MAP3K15: variants seen among roughly 807,000 people sequenced by gnomAD.
MAP3K15 encodes mitogen-activated protein kinase kinase kinase 15, also known as MAPK/ERK kinase kinase 15.
Under a neutral mutation model 99.5 loss-of-function variants are expected in MAP3K15, and 124 were observed. The observed-to-expected ratio is 1.25, with a 90% confidence interval of 1.08 to 1.45. The LOEUF (loss-of-function observed/expected upper bound fraction) is 1.45, where lower values mean the gene tolerates loss of function less well. Among genes scored for constraint, MAP3K15 ranks in the 40% most tolerant of loss-of-function variants. MAP3K15 has a pLI of 0.00. For synonymous variants in MAP3K15, 494 were observed against 439.6 expected (o/e 1.12, Z -1.55); for missense variants, 1,242 against 1,079.7 (o/e 1.15, Z -2.11).
At chrX:19,432,557 C>CAAAA (rs58029753) in intron 6 of MAP3K15, among the ~76,000 whole-genome samples, 1 of 45,327 alleles carries the variant, frequency 2.2e-5, no homozygotes. Context: ...TCTGTCTCAA[C>CAAAA]AAAAAAAAAA....
chrX:19,477,450 C>T (rs1192246101), intron 3 of MAP3K15, among the ~76,000 whole-genome samples: 31 of 110,908 alleles, frequency 2.8e-4, no homozygotes, highest in Non-Finnish European at 4.9e-4. Context: ...ATGCCTGTAA[C>T]CCCGGCACTT....
intron 3 of MAP3K15, among the ~76,000 whole-genome samples, chrX:19,467,691 CGGG>C (rs2064177993): frequency 8.7e-5 from 3 of 34,398 alleles, no homozygotes; most frequent in Admixed American, 4.1e-4. Context: ...TGCTTAAACC[CGGG>C]AGGCAGAGGT....
Position 19,395,178 on chromosome X carries a change from G to A in MAP3K15, c.2097C>T (p.Ala699=), listed in dbSNP as rs1178758943. ...RYSQPLHEEI[A]LHKYLKHRNI... ...TGCGGTGCTTAAGGTACTTGTGCAGGGCTATCTCCTCGTGCAGAGGCTGAG... is the reference window on the plus strand; with the variant it reads ...TGCGGTGCTTAAGGTACTTGTGCAGAGCTATCTCCTCGTGCAGAGGCTGAG... The change falls in exon 16 of 29, where the codon GCC becomes GCT. Residue 699 remains alanine, a synonymous_variant. Transcript: ENST00000338883. 2 of 1,208,273 alleles carry A rather than the reference G, an allele frequency of 1.7e-6. No homozygotes were observed. Among genetic ancestry groups the A allele is most frequent in the Non-Finnish European group, 2.2e-6 (2 of 893,485 alleles).
intron 1 of MAP3K15, among the ~76,000 whole-genome samples, chrX:19,494,298 A>AAGAG (rs977492363): frequency 9.1e-6 from 1 of 110,305 alleles, no homozygotes; most frequent in South Asian, 3.9e-4. Flanking sequence ...CTGTCTTTTT[A>AAGAG]AGAGAGAGAG....
At chrX:19,435,576 TAAACA>T (rs779428833) in intron 6 of MAP3K15, among the ~76,000 whole-genome samples, 2 of 112,392 alleles carry the variant, frequency 1.8e-5, no homozygotes, top group African/African-American at 6.4e-5. Context: ...CTTTTGAGTA[TAAACA>T]AAACAAAAAT....
intron 3 of MAP3K15, among the ~76,000 whole-genome samples, chrX:19,476,295 T>C (rs1016512866): frequency 4.5e-5 from 5 of 112,120 alleles, no homozygotes; most frequent in African/African-American, 1.6e-4. Flanking sequence ...GGTGGCACAA[T>C]GTGATACTTT....
At chrX:19,398,162 G>T (rs757155786) in intron 15 of MAP3K15, 64 bp downstream of exon 15, 531 of 1,174,174 alleles carry the variant, frequency 4.5e-4, no homozygotes, top group South Asian at 3.8e-3. Context: ...CACCATGAGC[G>T]GTGGGTATGG....
In MAP3K15 at chrX:19,431,533, GC is replaced by G; in HGVS notation, c.1070del (p.Gly357AlafsTer54). 1 of 1,199,578 alleles carries G rather than the reference GC, an allele frequency of 8.3e-7. No homozygotes were observed. The highest frequency in any genetic ancestry group is 1.1e-6 in the Non-Finnish European group (1 of 894,559). On this transcript the variant is annotated frameshift_variant, in exon 7 of 29. Transcript: ENST00000338883. LOFTEE classifies it high-confidence loss of function. ...TCCCACACAGGCAGAACATGTCGGG[GC>G]CCGGGTGATCACAGCTCTGCAGAAC... Reference protein sequence around the residue: ...LQVLQSCDHPGPDMFCLCGRI... With the variant: ...LQVLQSCDHPXPDMFCLCGRI...
chrX:19,445,309 G>A (rs12010835), intron 6 of MAP3K15, among the ~76,000 whole-genome samples: 8,451 of 109,868 alleles, frequency 0.077, 636 homozygotes, highest in African/African-American at 0.23. Flanking sequence ...AAAAATTAGG[G>A]GCCAGGCATG....
chrX:19,509,857 TAAAGAAGA>T (rs2064505976), intron 1 of MAP3K15, among the ~76,000 whole-genome samples: 1 of 109,983 alleles, frequency 9.1e-6, no homozygotes, highest in Admixed American at 9.7e-5. Flanking sequence ...CCTAGACTAA[TAAAGAAGA>T]AAAGAGAGAA....
chrX:19,366,753 C>T (rs760976031), intron 25 of MAP3K15, among the ~76,000 whole-genome samples: 8 of 111,810 alleles, frequency 7.2e-5, no homozygotes, highest in African/African-American at 1.6e-4. Context: ...GTATCAGCAG[C>T]GTGAAAATGG....
chrX:19,361,863 CA>C (rs1166952319), intron 26 of MAP3K15, among the ~76,000 whole-genome samples: 12 of 94,676 alleles, frequency 1.3e-4, no homozygotes, highest in Non-Finnish European at 1.9e-5. Flanking sequence ...CCACATCTTT[CA>C]AATGCCTTTC....
intron 6 of MAP3K15, among the ~76,000 whole-genome samples, chrX:19,456,477 A>G (rs1414644138): frequency 2.7e-5 from 3 of 112,239 alleles, no homozygotes; most frequent in Non-Finnish European, 5.6e-5. Context: ...GGGGTTAAGG[A>G]TTGCCTGCAA....
chrX:19,409,814 A>C, intron 12 of MAP3K15, 110 bp downstream of exon 12: 1 of 634,956 alleles, frequency 1.6e-6, no homozygotes. Flanking sequence ...TTTGGATTCC[A>C]TTAAAAATAA....
intron 1 of MAP3K15, among the ~76,000 whole-genome samples, chrX:19,505,712 G>A (rs2064471674): frequency 9.2e-6 from 1 of 108,739 alleles, no homozygotes; most frequent in Non-Finnish European, 1.9e-5. Context: ...GCAGTCCTTG[G>A]TTCTCAGCAA....
At chrX:19,399,665 C>T (rs1003586408) in intron 14 of MAP3K15, among the ~76,000 whole-genome samples, 40 of 99,021 alleles carry the variant, frequency 4.0e-4, no homozygotes, top group Admixed American at 1.2e-3. Flanking sequence ...ACCCAGGAGG[C>T]AGAGGTTGCA....
At chrX:19,422,921 C>A (rs1333897973) in intron 9 of MAP3K15, among the ~76,000 whole-genome samples, 2 of 107,435 alleles carry the variant, frequency 1.9e-5, no homozygotes, top group East Asian at 6.0e-4. Flanking sequence ...AGCAAACTAT[C>A]ACAAGGACAA....
intron 6 of MAP3K15, among the ~76,000 whole-genome samples, chrX:19,433,704 TTAAATA>T (rs2063900855): frequency 9.0e-6 from 1 of 111,627 alleles, no homozygotes; most frequent in Non-Finnish European, 1.9e-5. Context: ...TTCCCTACTT[TTAAATA>T]TATTTGTGAT....
chrX:19,490,907 G>A (rs747297819), intron 1 of MAP3K15, among the ~76,000 whole-genome samples: 1 of 111,645 alleles, frequency 9.0e-6, no homozygotes, highest in Admixed American at 9.5e-5. Context: ...AAACATTCTA[G>A]AGGATGTAAG....
Sources: allele counts gnomAD v4.1 joint callset (sites outside exome capture counted in the v4.1 genomes callset), GRCh38; gene constraint gnomAD v4.1.1; transcripts MANE v1.5; gene names NCBI Gene and HGNC (gene_info 2026-07-23, HGNC 2026-07-21).